PPM1M: variants seen among roughly 807,000 people sequenced by gnomAD.
PPM1M encodes the protein protein phosphatase, Mg2+/Mn2+ dependent 1M, also known as protein phosphatase 1M.
Under a neutral mutation model 50.8 loss-of-function variants are expected in PPM1M, and 44 were observed. That is an observed-to-expected ratio of 0.87 (90% CI 0.68 to 1.11). PPM1M has a LOEUF of 1.11. Ranked by LOEUF, PPM1M falls within the 50% of genes most tolerant of loss-of-function variation. The pLI is 0.00. For synonymous variants in PPM1M, 224 were observed against 242.9 expected (o/e 0.92, Z 0.72); for missense variants, 556 against 593.4 (o/e 0.94, Z 0.66).
rs748528143 is a variant in PPM1M at position 52,249,801 on chromosome 3, G to A, written c.1367G>A (p.Ser456Asn). The A allele has an allele frequency of 1.1e-5, 17 of 1,613,082 alleles. No individual in the cohort carries two copies. In the Admixed American group the frequency reaches 2.3e-4, roughly 22 times the overall value. Reference sequence around the variant, plus strand: ...CCCTTGCACAGTCAGGGCCAAGAGAGCAGTGACCACTGAGGATTCAGACAC... The same window carrying A: ...CCCTTGCACAGTCAGGGCCAAGAGAACAGTGACCACTGAGGATTCAGACAC... ...VIPLHSQGQE[S>N]SDH Residue 456 changes from serine (S) to asparagine (N), a missense_variant, in exon 10 of 10, where the codon AGC becomes AAC. Coordinates refer to ENST00000323588, the MANE Select transcript of PPM1M (RefSeq NM_144641.4).
intron 3 of PPM1M, 73 bp from the exon 4 acceptor site, chr3:52,247,609 G>A: frequency 5.1e-6 from 5 of 988,042 alleles, no homozygotes; most frequent in Admixed American, 4.0e-5. Context: ...CTGTAGGGTA[G>A]GGTGGGGATT....
Position 52,246,688 on chromosome 3 carries a change from G to A in PPM1M, c.225-7G>A. The A allele has an allele frequency of 7.7e-7, 1 of 1,303,978 alleles. No individual in the cohort carries two copies. The highest frequency in any genetic ancestry group is 1.2e-5 in the South Asian group (1 of 80,996). 80.8% of individuals were successfully genotyped at this position (1,303,978 alleles called of 1,614,324 possible). ...CTGGAGGGTCGCTTACCATTTCCCG[G>A]CCTCAGGATTATCAATGCAGAGAAA... On this transcript the variant is annotated splice_region_variant and splice_polypyrimidine_tract_variant and intron_variant, in intron 1 of 9. Coordinates refer to ENST00000323588, the MANE Select transcript of PPM1M (RefSeq NM_144641.4).
At chr3:52,248,122 C>T (rs1164160374) in intron 4 of PPM1M, 31 bp from the exon 5 acceptor site, 2 of 1,576,116 alleles carry the variant, frequency 1.3e-6, no homozygotes, top group Non-Finnish European at 1.7e-6. Flanking sequence ...GAGGCCTCCT[C>T]CTAGACCTCT....
In PPM1M at chr3:52,250,010, C is replaced by T. The variant is rs1187400475; in HGVS notation, c.*196C>T. 5.4e-6 allele frequency: 3 copies of T among 560,302 alleles called. No individual in the cohort carries two copies. Among genetic ancestry groups the T allele is most frequent in the Non-Finnish European group, 9.6e-6 (3 of 314,074 alleles). The allele number at this position is 560,302 out of a possible 1,614,324, so 34.7% of individuals were successfully genotyped here. ...TCAGAGCTGGAAGTGTATGGAGAGC[C>T]CAGCCCACCAGGTCCTGCCTTTTGC... On this transcript the variant is annotated 3_prime_UTR_variant, in exon 10 of 10. Coordinates refer to ENST00000323588, the MANE Select transcript of PPM1M (RefSeq NM_144641.4).
At chr3:52,246,870 G>A in intron 2 of PPM1M, 58 bp downstream of exon 2, 1 of 1,494,086 alleles carries the variant, frequency 6.7e-7, no homozygotes, top group Non-Finnish European at 9.0e-7. Flanking sequence ...GCCACGACCT[G>A]CAGGCTGAGG....
Position 52,246,954 on chromosome 3 carries a change from A to G in PPM1M, c.343-20A>G, listed in dbSNP as rs896828433. ...GTGGGGAAGTCAGGCAGAGGCTGAC[A>G]CTGAGCCCTTCCTGTGCAGTTCCTG... On this transcript the variant is annotated intron_variant, in intron 2 of 9. Coordinates refer to ENST00000323588, the MANE Select transcript of PPM1M (RefSeq NM_144641.4). The G allele has an allele frequency of 1.0e-5, 16 of 1,530,658 alleles. No individual in the cohort carries two copies. The African/African-American group carries it at 2.1e-4, about 20-fold the overall frequency. 94.8% of individuals were successfully genotyped at this position (1,530,658 alleles called of 1,614,324 possible). A position where few individuals can be genotyped will look rare whatever the true frequency, so the allele number is the denominator to read the frequency against.
Position 52,250,053 on chromosome 3 carries a change from G to A in PPM1M, c.*239G>A. The A allele has an allele frequency of 2.1e-6, 1 of 476,964 alleles. No homozygotes were observed. The highest frequency in any genetic ancestry group is 3.8e-6 in the Non-Finnish European group (1 of 261,142). 29.5% of individuals were successfully genotyped at this position (476,964 alleles called of 1,614,324 possible). On this transcript the variant is annotated 3_prime_UTR_variant, in exon 10 of 10. Transcript: ENST00000323588. ...CCTTTTGCGGTGATAACCTTCTCTGGCAGAGTGACTTTACAACTTAACTAG... is the reference window on the plus strand; with the variant it reads ...CCTTTTGCGGTGATAACCTTCTCTGACAGAGTGACTTTACAACTTAACTAG...
In PPM1M at chr3:52,247,246, G is replaced by A. The variant is rs750528804; in HGVS notation, c.597+18G>A. 1.3e-6 allele frequency: 2 copies of A among 1,597,032 alleles called. No homozygotes were observed. Among genetic ancestry groups the A allele is most frequent in the Non-Finnish European group, 1.7e-6 (2 of 1,170,422 alleles). ...AGGAATGTGTGAGTGTGTGGCTTTT[G>A]GCTGGGGAAGAAGTGGAGATTTTGC... is the stretch of plus-strand genomic sequence containing the variant. On this transcript the variant is annotated intron_variant, in intron 3 of 9. Coordinates refer to ENST00000323588, the MANE Select transcript of PPM1M (RefSeq NM_144641.4).
chr3:52,247,217 T>C lies in PPM1M; in HGVS notation c.586T>C (p.Phe196Leu). Residue 196 changes from phenylalanine (F) to leucine (L), a missense_variant, in exon 3 of 10, where the codon TTT becomes CTT. Phe to Leu is a conservative substitution (Grantham distance 22). Transcript: ENST00000323588. ...GGTGATCGGGGCATTGGAGAGTGCC[T>C]TTCAGGAATGTGTGAGTGTGTGGCT... Reference protein sequence around the residue: ...DLVIGALESAFQECDEVIGRE... With the variant: ...DLVIGALESALQECDEVIGRE... 1 of 1,612,240 alleles carries C rather than the reference T, an allele frequency of 6.2e-7. No individual in the cohort carries two copies. The highest frequency in any genetic ancestry group is 8.5e-7 in the Non-Finnish European group (1 of 1,179,126).
At chr3:52,248,783 T>C (rs1699909648) in intron 7 of PPM1M, 83 bp downstream of exon 7, 1 of 1,461,640 alleles carries the variant, frequency 6.8e-7, no homozygotes, top group Non-Finnish European at 9.6e-7. Context: ...CTCTTGCTGG[T>C]AGCTGTGGCT....
chr3:52,246,115 C>A lies in PPM1M; in HGVS notation c.224+67C>A, dbSNP rs1343441939. On this transcript the variant is annotated intron_variant, in intron 1 of 9. Transcript: ENST00000323588. ...AACCCGCTTCGGGTCCTGCGCCCGCCTAGAAAGCGGGAGGAGCTGAGTGAC... is the reference window on the plus strand; with the variant it reads ...AACCCGCTTCGGGTCCTGCGCCCGCATAGAAAGCGGGAGGAGCTGAGTGAC... 2.9e-6 allele frequency: 3 copies of A among 1,037,304 alleles called. No homozygotes were observed. The African/African-American group carries it at 5.2e-5, about 18-fold the overall frequency. The allele number at this position is 1,037,304 out of a possible 1,614,324, so 64.3% of individuals were successfully genotyped here.
intron 1 of PPM1M, 125 bp from the exon 2 acceptor site, chr3:52,246,570 A>G (rs780178983): frequency 5.6e-6 from 3 of 540,352 alleles, no homozygotes; most frequent in Non-Finnish European, 9.2e-6. Context: ...AGTGTGTGTT[A>G]GGGACAGCAC....
At position 52,249,784 on chromosome 3, in the gene PPM1M, C is replaced by G. The variant is rs371662115; in HGVS notation, c.1350C>G (p.His450Gln). 97 of 1,613,630 alleles carry G rather than the reference C, an allele frequency of 6.0e-5. No homozygotes were observed. The highest frequency in any genetic ancestry group is 7.5e-5 in the Non-Finnish European group (89 of 1,179,818). ...DDVSVFVIPL[H>Q]SQGQESSDH ...TCTCTGTGTTCGTGATTCCCTTGCA[C>G]AGTCAGGGCCAAGAGAGCAGTGACC... The change falls in exon 10 of 10, where the codon CAC becomes CAG. Residue 450 changes from histidine to glutamine, a missense_variant. Physicochemically the swap from His to Gln is conservative, Grantham distance 24. Coordinates refer to ENST00000323588, the MANE Select transcript of PPM1M (RefSeq NM_144641.4).
rs931117174 is a variant in PPM1M at position 52,250,166 on chromosome 3, C to T, written c.*352C>T. Reference sequence around the variant, plus strand: ...GGGCACCCAAGCTAAGGGTATTAGCCAAAGATGCCAGGATGGGTAGCTAGC... The same window carrying T: ...GGGCACCCAAGCTAAGGGTATTAGCTAAAGATGCCAGGATGGGTAGCTAGC... On this transcript the variant is annotated 3_prime_UTR_variant, in exon 10 of 10. Transcript: ENST00000323588. 3 of 214,756 alleles carry T rather than the reference C, an allele frequency of 1.4e-5. No individual in the cohort carries two copies. The highest frequency in any genetic ancestry group is 6.6e-5 in the African/African-American group (3 of 45,356). The allele number at this position is 214,756 out of a possible 1,614,324, so 13.3% of individuals were successfully genotyped here.
At position 52,249,188 on chromosome 3, in the gene PPM1M, T is replaced by G; in HGVS notation, c.1101T>G (p.Asp367Glu). The G allele has an allele frequency of 6.2e-7, 1 of 1,613,798 alleles. No individual in the cohort carries two copies. Among genetic ancestry groups the G allele is most frequent in the Non-Finnish European group, 8.5e-7 (1 of 1,179,784 alleles). ...TTAATTTGTAGGTGACTGTGCTGGA[T>G]GTGGACCAGCTGGAGCTACAGGAGG... ...LLSVPQVTVL[D>E]VDQLELQEDD... The change falls in exon 9 of 10, where the codon GAT (aspartate) becomes GAG (glutamate). Residue 367 changes from aspartate to glutamate, a missense_variant. By Grantham distance (45) the Asp-to-Glu change is conservative. Transcript: ENST00000323588.
In PPM1M at chr3:52,248,231, G is replaced by A; in HGVS notation, c.789G>A (p.Gln263=). 6.2e-7 allele frequency: 1 copy of A among 1,613,134 alleles called. No individual in the cohort carries two copies. The highest frequency in any genetic ancestry group is 8.5e-7 in the Non-Finnish European group (1 of 1,179,510). The part of the protein sequence containing the change: ...FTPETERQRI[Q]QLAFVYPELL... ...CAGAGACTGAGCGGCAGCGGATCCA[G>A]CAGCTGGTAGGTGCCCTTGGCAGCA... Residue 263 remains glutamine, a synonymous_variant, in exon 5 of 10, where the codon CAG becomes CAA. Coordinates refer to ENST00000323588, the MANE Select transcript of PPM1M (RefSeq NM_144641.4).
In PPM1M at chr3:52,249,758, G is replaced by A. The variant is rs78402482; in HGVS notation, c.1324G>A (p.Val442Ile). ...TEEGQVSYDD[V>I]SVFVIPLHSQ... ...GGAAGGGCAGGTGTCCTACGATGAC[G>A]TCTCTGTGTTCGTGATTCCCTTGCA... The change falls in exon 10 of 10, where the codon GTC (valine) becomes ATC (isoleucine). Residue 442 changes from valine to isoleucine, a missense_variant. Physicochemically the swap from Val to Ile is conservative, Grantham distance 29. Transcript: ENST00000323588. 9,206 of 1,613,908 alleles carry A rather than the reference G, an allele frequency of 5.7e-3. 30 individuals carry two copies. Among genetic ancestry groups the A allele is most frequent in the Non-Finnish European group, 6.9e-3 (8,172 of 1,179,844 alleles).
Position 52,247,234 on chromosome 3 carries a change from T to A in PPM1M, c.597+6T>A. 6.2e-7 allele frequency: 1 copy of A among 1,606,802 alleles called. No individual in the cohort carries two copies. The highest frequency in any genetic ancestry group is 8.5e-7 in the Non-Finnish European group (1 of 1,175,860). ...AGAGTGCCTTTCAGGAATGTGTGAG[T>A]GTGTGGCTTTTGGCTGGGGAAGAAG... On this transcript the variant is annotated splice_donor_region_variant and intron_variant, in intron 3 of 9. Transcript: ENST00000323588.
In PPM1M at chr3:52,250,004, G is replaced by C; in HGVS notation, c.*190G>C. On this transcript the variant is annotated 3_prime_UTR_variant, in exon 10 of 10. Transcript: ENST00000323588. ...AGGCAGTCAGAGCTGGAAGTGTATG[G>C]AGAGCCCAGCCCACCAGGTCCTGCC... The C allele has an allele frequency of 1.7e-6, 1 of 582,948 alleles. No individual in the cohort carries two copies. Among genetic ancestry groups the C allele is most frequent in the South Asian group, 2.2e-5 (1 of 44,884 alleles). The allele number at this position is 582,948 out of a possible 1,614,324, so 36.1% of individuals were successfully genotyped here.
Sources: gnomAD v4.1 joint callset for allele counts on GRCh38, gnomAD v4.1.1 for gene constraint, MANE v1.5 for transcripts, NCBI Gene and HGNC (gene_info 2026-07-23, HGNC 2026-07-21) for gene names.